The following CORO1C variants were observed in gnomAD, a reference collection of about 807,000 sequenced individuals.
CORO1C encodes the protein coronin-1C.
A neutral mutation model predicts 51.2 loss-of-function variants in CORO1C; 14 were observed. The ratio of observed to expected loss-of-function variants is 0.27; its 90% confidence interval spans 0.18 to 0.43. The LOEUF (loss-of-function observed/expected upper bound fraction) is 0.43, where lower values mean the gene tolerates loss of function less well. CORO1C is among the 20% of genes least tolerant of loss of function. The pLI, the probability that CORO1C is intolerant of heterozygous loss-of-function variation, is 1.00. For synonymous variants in CORO1C, 181 were observed against 210.5 expected (o/e 0.86, Z 1.21); for missense variants, 417 against 607.8 (o/e 0.69, Z 3.30).
At chr12:108,678,209 T>G (rs1470428877) in intron 3 of CORO1C, 63 bp downstream of exon 3, 1 of 1,528,926 alleles carries the variant, frequency 6.5e-7, no homozygotes, top group Non-Finnish European at 8.9e-7. Flanking sequence ...CCCACACACA[T>G]GCTTTTGAAA....
At chr12:108,671,050 G>A (rs1288714687) in intron 3 of CORO1C, among the ~76,000 whole-genome samples, 1 of 151,704 alleles carries the variant, frequency 6.6e-6, no homozygotes, top group East Asian at 1.9e-4. Flanking sequence ...AAAAGGTTTA[G>A]GGCCTGGCAT....
At chr12:108,654,452 C>T (rs754059927) in intron 6 of CORO1C, 42 bp from the exon 7 acceptor site, 3 of 1,124,306 alleles carry the variant, frequency 2.7e-6, no homozygotes, top group Admixed American at 2.1e-5. Flanking sequence ...TGTATGTATA[C>T]ATTTTTTTAA....
At chr12:108,678,184 A>G in intron 3 of CORO1C, 88 bp downstream of exon 3, 1 of 1,246,158 alleles carries the variant, frequency 8.0e-7, no homozygotes, top group Admixed American at 2.4e-5. Flanking sequence ...TCAAGCCTCT[A>G]TACATACACA....
intron 2 of CORO1C, among the ~76,000 whole-genome samples, chr12:108,686,142 C>T (rs755232996): frequency 1.3e-5 from 2 of 152,194 alleles, no homozygotes; most frequent in Non-Finnish European, 2.9e-5. Flanking sequence ...ACATTTTGCA[C>T]TAGGATCTAA....
intron 1 of CORO1C, among the ~76,000 whole-genome samples, chr12:108,729,399 A>G (rs2035664330): frequency 6.6e-6 from 1 of 152,232 alleles, no homozygotes; most frequent in Non-Finnish European, 1.5e-5. Flanking sequence ...GTATGTATCT[A>G]TTAAAATTCA....
At chr12:108,718,170 G>A (rs1477195954) in intron 1 of CORO1C, among the ~76,000 whole-genome samples, 3 of 152,268 alleles carry the variant, frequency 2.0e-5, no homozygotes, top group Non-Finnish European at 2.9e-5. Flanking sequence ...TGGCTAACAC[G>A]TTAAAACCCC....
intron 1 of CORO1C, chr12:108,701,974 C>T (rs998691822): frequency 6.5e-6 from 1 of 154,620 alleles, no homozygotes; most frequent in Admixed American, 6.4e-5. Flanking sequence ...ACTACCAAAC[C>T]GCCTAGTGCT....
At chr12:108,694,279 C>CAAAAA (rs60647143) in intron 2 of CORO1C, among the ~76,000 whole-genome samples, 13 of 66,224 alleles carry the variant, frequency 2.0e-4, no homozygotes, top group Admixed American at 3.8e-4. Flanking sequence ...AAGACTGTCT[C>CAAAAA]AAAAAAAAAA....
intron 2 of CORO1C, among the ~76,000 whole-genome samples, chr12:108,680,929 G>A (rs2136837186): frequency 6.6e-6 from 1 of 152,288 alleles, no homozygotes; most frequent in Non-Finnish European, 1.5e-5. Flanking sequence ...GGGATCACAG[G>A]CATTCATCCT....
chr12:108,730,457 T>A (rs890825866), intron 1 of CORO1C: 1 of 152,426 alleles, frequency 6.6e-6, no homozygotes, highest in Non-Finnish European at 1.5e-5. Flanking sequence ...GACGGAGAGC[T>A]GGGGAGCGTG....
chr12:108,701,854 T>A (rs1242940592), intron 1 of CORO1C: 2 of 168,560 alleles, frequency 1.2e-5, no homozygotes, highest in African/African-American at 4.8e-5. Context: ...TTCCCCAGAG[T>A]GTTTCAACAA....
intron 7 of CORO1C, 113 bp downstream of exon 7, chr12:108,654,193 A>G: frequency 1.4e-6 from 1 of 730,652 alleles, no homozygotes; most frequent in Non-Finnish European, 2.4e-6. Context: ...TAACATACAC[A>G]CACAAATTAG....
chr12:108,656,486 C>T (rs1158987939), intron 6 of CORO1C, among the ~76,000 whole-genome samples: 4 of 151,152 alleles, frequency 2.6e-5, no homozygotes, highest in African/African-American at 9.7e-5. Flanking sequence ...GGCGCCTCTG[C>T]CCTGCCGCCC....
chr12:108,654,253 AT>A (rs1159181931), intron 7 of CORO1C, 52 bp downstream of exon 7: 1 of 1,147,862 alleles, frequency 8.7e-7, no homozygotes, highest in Non-Finnish European at 1.3e-6. Context: ...TCTCTGAAGG[AT>A]AAATGTTTCC....
At chr12:108,702,457 C>T (rs1367391305) in intron 1 of CORO1C, among the ~76,000 whole-genome samples, 2 of 152,198 alleles carry the variant, frequency 1.3e-5, no homozygotes, top group African/African-American at 4.8e-5. Context: ...ACACTGAAAG[C>T]TTTGTGCTTT....
chr12:108,648,153 G>A (rs1055425040), intron 10 of CORO1C, among the ~76,000 whole-genome samples: 1 of 152,074 alleles, frequency 6.6e-6, no homozygotes, highest in South Asian at 2.1e-4. Flanking sequence ...TCCTTCTGTC[G>A]TAGCCACTCA....
chr12:108,711,758 CAG>C lies in CORO1C; in HGVS notation c.-5-10437_-5-10436del, dbSNP rs538463684. 2.3e-3 allele frequency among the ~76,000 whole-genome samples: 349 copies of C among 151,480 alleles called. 2 individuals are homozygous for C. The highest frequency in any genetic ancestry group is 8.2e-3 in the African/African-American group (337 of 41,266). On this transcript the variant is annotated intron_variant, in intron 1 of 10. Coordinates refer to ENST00000261401, the MANE Select transcript of CORO1C (RefSeq NM_014325.4). The stretch of plus-strand genomic sequence containing the variant: ...TTAGGAGGAAAAAATGCAGACAAGA[CAG>C]GGTATTTATATTGCAACAGCACCAA...
chr12:108,654,240 A>T, intron 7 of CORO1C, 66 bp downstream of exon 7: 1 of 1,049,196 alleles, frequency 9.5e-7, no homozygotes, highest in South Asian at 1.3e-5. Context: ...CCCGTCCTCT[A>T]AATCTCTGAA....
chr12:108,648,005 C>T (rs909678030), intron 10 of CORO1C, among the ~76,000 whole-genome samples: 3 of 152,220 alleles, frequency 2.0e-5, no homozygotes, highest in Non-Finnish European at 2.9e-5. Context: ...CTCCTTCTCT[C>T]TTACCCAGGA....
Sources: gnomAD v4.1 joint callset for allele counts (sites outside exome capture counted in the v4.1 genomes callset) on GRCh38, gnomAD v4.1.1 for gene constraint, MANE v1.5 for transcripts, NCBI Gene and HGNC (gene_info 2026-07-23, HGNC 2026-07-21) for gene names.